AGAP1: variants seen among roughly 807,000 people sequenced by gnomAD.
The protein encoded by AGAP1 is ArfGAP with GTPase domain, ankyrin repeat and PH domain 1.
Under a neutral mutation model 105.3 loss-of-function variants are expected in AGAP1, and 29 were observed. The ratio of observed to expected loss-of-function variants is 0.28; its 90% CI spans 0.21 to 0.38. The LOEUF (loss-of-function observed/expected upper bound fraction) is 0.38, where lower values mean the gene tolerates loss of function less well. AGAP1 is among the 10% of genes least tolerant of loss of function. AGAP1 has a pLI of 1.00. For missense variants in AGAP1, 998 were observed against 1,165.1 expected (o/e 0.86, Z 2.09); for synonymous variants, 509 against 485.9 (o/e 1.05, Z -0.63).
Position 235,716,257 on chromosome 2 carries a change from A to T in AGAP1, c.223-1300A>T, listed in dbSNP as rs1172600566. Among the ~76,000 whole-genome samples, 1 of 152,182 alleles carries T rather than the reference A, an allele frequency of 6.6e-6. No individual in the cohort carries two copies. Among genetic ancestry groups the T allele is most frequent in the Non-Finnish European group, 1.5e-5 (1 of 68,024 alleles). ...CTGGCGAGTCCCAGTATGTCCCTGC[A>T]GATGGAGGAAGAACCCACAGGGCTG... On this transcript the variant is annotated intron_variant, in intron 2 of 17. Transcript: ENST00000304032. This position sits in a 1 kb window ranked among gnomAD's most constrained non-coding sequence, Gnocchi z 4.0.
chr2:235,624,629 G>A (rs1330026703), intron 1 of AGAP1, among the ~76,000 whole-genome samples: 1 of 152,166 alleles, frequency 6.6e-6, no homozygotes, highest in African/African-American at 2.4e-5. Flanking sequence ...TTGTGCTTGT[G>A]GGGAGGATGG....
chr2:235,645,638 C>T (rs1947356942), intron 1 of AGAP1, among the ~76,000 whole-genome samples: 1 of 152,084 alleles, frequency 6.6e-6, no homozygotes, highest in South Asian at 2.1e-4. Flanking sequence ...CACAGCATTG[C>T]ACATCCCCCT....
intron 6 of AGAP1, chr2:235,774,440 T>C (rs1367235001): frequency 2.1e-6 from 1 of 465,968 alleles, no homozygotes; most frequent in Non-Finnish European, 4.5e-6. Context: ...GGCAGTCACT[T>C]TTCCCAAGTC....
At chr2:235,795,112 T>G (rs1400824776) in intron 6 of AGAP1, among the ~76,000 whole-genome samples, 3 of 152,164 alleles carry the variant, frequency 2.0e-5, no homozygotes, top group African/African-American at 7.2e-5. Flanking sequence ...GTTGTTTTTT[T>G]GGGGTGGGAA....
intron 1 of AGAP1, chr2:235,670,487 G>A (rs2149357230): frequency 1.9e-6 from 1 of 515,050 alleles, no homozygotes; most frequent in Non-Finnish European, 3.4e-6. Flanking sequence ...CGAGGAGGAG[G>A]GACGCGGCTC....
chr2:235,753,917 ACACT>A lies in AGAP1; in HGVS notation c.673+3431_673+3434del, dbSNP rs1316751797. 4.6e-5 allele frequency among the ~76,000 whole-genome samples: 7 copies of A among 152,212 alleles called. No individual in the cohort carries two copies. The highest frequency in any genetic ancestry group is 4.6e-4 in the Admixed American group (7 of 15,278). On this transcript the variant is annotated intron_variant, in intron 6 of 17. Coordinates refer to ENST00000304032, the MANE Select transcript of AGAP1 (RefSeq NM_001037131.3). The surrounding 1 kb of genome is among the most constrained non-coding windows in gnomAD (Gnocchi z 4.5). ...ATATGTATTTTCATGTAAATCACAA[ACACT>A]CTCATTGTTAGTGAGAAAAGTAGTT...
rs1254617247 is a variant in AGAP1, at chr2:235,926,343, CTG to C, written c.1325-4419_1325-4418del. 1.3e-5 allele frequency among the ~76,000 whole-genome samples: 2 copies of C among 152,208 alleles called. 1 individual carries two copies. Among genetic ancestry groups the C allele is most frequent in the East Asian group, 3.9e-4 (2 of 5,190 alleles). On this transcript the variant is annotated intron_variant, in intron 11 of 17. Coordinates refer to ENST00000304032, the MANE Select transcript of AGAP1 (RefSeq NM_001037131.3). ...GAAAGTAAGTGGAAATGCCTCAAAA[CTG>C]TGGCCACTGGCCTGGGACTGCTGAC...
chr2:235,905,609 C>G lies in AGAP1; in HGVS notation c.1156-3129C>G, dbSNP rs916853559. Reference sequence around the variant, plus strand: ...CTGTCTCCCAGGTTCAAGCGATTCTCCTGCCTTAGCCTCCCAAGTAGCTGG... The same window carrying G: ...CTGTCTCCCAGGTTCAAGCGATTCTGCTGCCTTAGCCTCCCAAGTAGCTGG... On this transcript the variant is annotated intron_variant, in intron 10 of 17. Coordinates refer to ENST00000304032, the MANE Select transcript of AGAP1 (RefSeq NM_001037131.3). The surrounding 1 kb of genome is among the most constrained non-coding windows in gnomAD (Gnocchi z 4.2). Among the ~76,000 whole-genome samples the G allele has an allele frequency of 6.6e-6, 1 of 152,202 alleles. No homozygotes were observed. Among genetic ancestry groups the G allele is most frequent in the Non-Finnish European group, 1.5e-5 (1 of 68,040 alleles).
intron 1 of AGAP1, among the ~76,000 whole-genome samples, chr2:235,616,967 T>C (rs529178592): frequency 6.6e-6 from 1 of 152,148 alleles, no homozygotes; most frequent in Non-Finnish European, 1.5e-5. Flanking sequence ...TTTTTATTTT[T>C]TTTTTTTAAG....
chr2:236,083,889 GCACA>G lies in AGAP1; in HGVS notation c.2114+34614_2114+34617del. 6.6e-6 allele frequency among the ~76,000 whole-genome samples: 1 copy of G among 152,206 alleles called. No homozygotes were observed. On this transcript the variant is annotated intron_variant, in intron 16 of 17. Coordinates refer to ENST00000304032, the MANE Select transcript of AGAP1 (RefSeq NM_001037131.3). The surrounding 1 kb of genome is among the most constrained non-coding windows in gnomAD (Gnocchi z 5.3). ...GATAAATGGGCATGTGCGTGTGTATGCACACACACGTGCACACATACACACACAG... is the reference window on the plus strand; with the variant it reads ...GATAAATGGGCATGTGCGTGTGTATGCACACGTGCACACATACACACACAG...
At chr2:235,530,882 G>T (rs1943021283) in intron 1 of AGAP1, among the ~76,000 whole-genome samples, 1 of 152,128 alleles carries the variant, frequency 6.6e-6, no homozygotes, top group African/African-American at 2.4e-5. Flanking sequence ...TCCTTCCTCT[G>T]TGTTTCTCCT....
intron 16 of AGAP1, among the ~76,000 whole-genome samples, chr2:236,111,496 A>T (rs1018136111): frequency 1.9e-5 from 2 of 103,570 alleles, no homozygotes; most frequent in African/African-American, 1.3e-4. Context: ...ACCCTGTCTT[A>T]AAAAAAAAAA....
chr2:235,882,311 C>T lies in AGAP1; in HGVS notation c.1051-1034C>T, dbSNP rs1339628620. 3.2e-5 allele frequency: 26 copies of T among 800,300 alleles called. No individual in the cohort carries two copies. The highest frequency in any genetic ancestry group is 5.1e-5 in the Non-Finnish European group (26 of 505,290). The allele number at this position is 800,300 out of a possible 1,614,324, so 49.6% of individuals were successfully genotyped here. A position where few individuals can be genotyped will look rare whatever the true frequency, so the allele number is the denominator to read the frequency against. On this transcript the variant is annotated intron_variant, in intron 9 of 17. Transcript: ENST00000304032. This position sits in a 1 kb window ranked among gnomAD's most constrained non-coding sequence, Gnocchi z 4.6. ...CATCTTGCAGGTCGCTCTTCCTCCACATCACAACTGGGGTCTTAAGGATGA... is the reference window on the plus strand; with the variant it reads ...CATCTTGCAGGTCGCTCTTCCTCCATATCACAACTGGGGTCTTAAGGATGA...
chr2:235,896,914 A>G (rs983953656), intron 10 of AGAP1, among the ~76,000 whole-genome samples: 3 of 152,228 alleles, frequency 2.0e-5, no homozygotes, highest in Non-Finnish European at 2.9e-5. Context: ...TTTGTTTTAT[A>G]TACCCTCAGG....
chr2:235,504,039 G>A (rs890321641), intron 1 of AGAP1, among the ~76,000 whole-genome samples: 1 of 152,112 alleles, frequency 6.6e-6, no homozygotes, highest in Non-Finnish European at 1.5e-5. Context: ...GCACCACCAT[G>A]CCCGACTAAT....
At chr2:235,598,284 A>T (rs1317145367) in intron 1 of AGAP1, among the ~76,000 whole-genome samples, 1 of 152,190 alleles carries the variant, frequency 6.6e-6, no homozygotes, top group East Asian at 1.9e-4. Context: ...CTGCTGGGAC[A>T]GGCTCCCACC....
intron 1 of AGAP1, among the ~76,000 whole-genome samples, chr2:235,498,562 G>T (rs1001853510): frequency 3.3e-5 from 5 of 152,194 alleles, no homozygotes; most frequent in Admixed American, 3.3e-4. Context: ...GGGGTTGATG[G>T]CATTGAGGTA....
In AGAP1 at chr2:235,661,534, TG is replaced by T. The variant is rs1224226060; in HGVS notation, c.164-47638del. ...AGGGGGCTGGCCAGGGCTGTGGGGGTGGGGGGGCTGTAGGATGCTGGAAGCA... is the reference window on the plus strand; with the variant it reads ...AGGGGGCTGGCCAGGGCTGTGGGGGTGGGGGGCTGTAGGATGCTGGAAGCA... On this transcript the variant is annotated intron_variant, in intron 1 of 17. Coordinates refer to ENST00000304032, the MANE Select transcript of AGAP1 (RefSeq NM_001037131.3). Among the ~76,000 whole-genome samples, 14 of 76,588 alleles carry T rather than the reference TG, an allele frequency of 1.8e-4. No individual in the cohort carries two copies. The East Asian group carries it at 2.0e-3, about 11-fold the overall frequency. The allele number at this position is 76,588 out of a possible 152,430, so 50.2% of individuals were successfully genotyped here. A position where few individuals can be genotyped will look rare whatever the true frequency, so the allele number is the denominator to read the frequency against.
At chr2:235,603,885 T>G (rs1324207329) in intron 1 of AGAP1, among the ~76,000 whole-genome samples, 1 of 152,180 alleles carries the variant, frequency 6.6e-6, no homozygotes, top group East Asian at 1.9e-4. Context: ...CAGAAAGGAA[T>G]GCGTCCATCA....
Sources: gnomAD v4.1 joint callset for allele counts (sites outside exome capture counted in the v4.1 genomes callset) on GRCh38, gnomAD v4.1.1 for gene constraint, Gnocchi (gnomAD v3.1) non-coding constraint, MANE v1.5 for transcripts, NCBI Gene and HGNC (gene_info 2026-07-23, HGNC 2026-07-21) for gene names.